PXK: variants seen among roughly 807,000 people sequenced by gnomAD.
PXK encodes the protein PX domain containing serine/threonine kinase like.
A neutral mutation model predicts 84.7 loss-of-function variants in PXK; 35 were observed. That is an observed-to-expected ratio of 0.41 (90% CI 0.32 to 0.55). The LOEUF (loss-of-function observed/expected upper bound fraction) is 0.55. Among genes scored for constraint, PXK ranks in the 20% least tolerant of loss-of-function variants. PXK has a pLI of 0.21. For missense variants in PXK, 634 were observed against 699.7 expected (o/e 0.91, Z 1.06); for synonymous variants, 253 against 260.8 (o/e 0.97, Z 0.29).
intron 15 of PXK, 28 bp from the exon 16 acceptor site, chr3:58,410,061 TC>T (rs2059970168): frequency 1.4e-6 from 2 of 1,434,334 alleles, no homozygotes; most frequent in Non-Finnish European, 2.0e-6. Flanking sequence ...TTCCTCTCCC[TC>T]CCTCCCCCTT....
chr3:58,369,373 A>G, intron 2 of PXK, 58 bp from the exon 3 acceptor site: 1 of 1,353,954 alleles, frequency 7.4e-7, no homozygotes, highest in South Asian at 1.2e-5. Flanking sequence ...ATATTAAATA[A>G]AGAAATGAAA....
intron 13 of PXK, among the ~76,000 whole-genome samples, chr3:58,406,898 A>G (rs188297055): frequency 1.3e-5 from 2 of 152,230 alleles, no homozygotes; most frequent in Non-Finnish European, 2.9e-5. Context: ...ATTTCCTTCT[A>G]TTTTTAAGGT....
chr3:58,338,042 A>G (rs964808152), intron 1 of PXK, among the ~76,000 whole-genome samples: 1 of 152,170 alleles, frequency 6.6e-6, no homozygotes, highest in Non-Finnish European at 1.5e-5. Context: ...GTTATACTGA[A>G]TACTTTAAAA....
chr3:58,389,477 T>C (rs1259405430), intron 4 of PXK, among the ~76,000 whole-genome samples: 1 of 152,168 alleles, frequency 6.6e-6, no homozygotes, highest in African/African-American at 2.4e-5. Flanking sequence ...TTTCACATTA[T>C]TAATAATTTT....
At chr3:58,391,983 G>T in intron 7 of PXK, 136 bp downstream of exon 7, 1 of 735,930 alleles carries the variant, frequency 1.4e-6, no homozygotes, top group Non-Finnish European at 2.3e-6. Context: ...AAATTGTGTA[G>T]GGCTAATCTC....
chr3:58,344,084 C>T (rs752200434), intron 1 of PXK, among the ~76,000 whole-genome samples: 5 of 152,038 alleles, frequency 3.3e-5, no homozygotes, highest in Admixed American at 6.6e-5. Context: ...GACAAATTGC[C>T]GCTTGATTTC....
intron 13 of PXK, 63 bp from the exon 14 acceptor site, chr3:58,408,861 C>G: frequency 7.9e-7 from 1 of 1,271,626 alleles, no homozygotes; most frequent in East Asian, 2.3e-5. Context: ...TCATTTACTC[C>G]AGGACTTGGA....
chr3:58,333,700 G>T lies in PXK; in HGVS notation c.102+610G>T, dbSNP rs2097538468. 1 of 453,960 alleles carries T rather than the reference G, an allele frequency of 2.2e-6. No individual in the cohort carries two copies. Among genetic ancestry groups the T allele is most frequent in the African/African-American group, 2.0e-5 (1 of 49,998 alleles). The allele number at this position is 453,960 out of a possible 1,614,324, so 28.1% of individuals were successfully genotyped here. On this transcript the variant is annotated intron_variant, in intron 1 of 17. Coordinates refer to ENST00000356151, the MANE Select transcript of PXK (RefSeq NM_017771.5). This position sits in a 1 kb window ranked among gnomAD's most constrained non-coding sequence, Gnocchi z 5.4. The stretch of plus-strand genomic sequence containing the variant: ...CGCTGTTAAGCAGGTGTATGAATGT[G>T]CTTCTCTAACTTGCTCTTTAGTGGG...
chr3:58,342,150 T>A (rs2097746076), intron 1 of PXK, among the ~76,000 whole-genome samples: 1 of 152,270 alleles, frequency 6.6e-6, no homozygotes, highest in Admixed American at 6.5e-5. Context: ...TAAGTTCTAT[T>A]GTTATCGGAA....
intron 13 of PXK, among the ~76,000 whole-genome samples, chr3:58,408,683 C>T (rs1226478984): frequency 2.6e-5 from 4 of 152,028 alleles, no homozygotes; most frequent in Admixed American, 6.6e-5. Context: ...CCACCACGCC[C>T]GGCTAATTTT....
rs1019166263 is a variant in PXK at position 58,401,051 on chromosome 3, T to G, written c.1181+1674T>G. ...AGGTTGATTTACTTGAGTTTGCATT[T>G]ACACTCCCCATTCCAAAGCTCTTAC... On this transcript the variant is annotated intron_variant, in intron 12 of 17. Coordinates refer to ENST00000356151, the MANE Select transcript of PXK (RefSeq NM_017771.5). This position sits in a 1 kb window ranked among gnomAD's most constrained non-coding sequence, Gnocchi z 4.4. Among the ~76,000 whole-genome samples, 5 of 152,278 alleles carry G rather than the reference T, an allele frequency of 3.3e-5. No individual in the cohort carries two copies. The highest frequency in any genetic ancestry group is 9.6e-5 in the African/African-American group (4 of 41,476).
At chr3:58,367,337 T>G (rs1210097336) in intron 2 of PXK, among the ~76,000 whole-genome samples, 1 of 151,980 alleles carries the variant, frequency 6.6e-6, no homozygotes, top group South Asian at 2.1e-4. Context: ...CTCCGCCTCC[T>G]GGGTTCACGC....
chr3:58,334,692 C>T (rs977088233), intron 1 of PXK, among the ~76,000 whole-genome samples: 2 of 152,156 alleles, frequency 1.3e-5, no homozygotes, highest in Non-Finnish European at 2.9e-5. Flanking sequence ...TACTTTTTGT[C>T]TCCACCAGGC....
At position 58,390,462 on chromosome 3, in the gene PXK, G is replaced by C. The variant is rs189931050; in HGVS notation, c.389-120G>C. The C allele has an allele frequency of 3.6e-4, 188 of 515,786 alleles. 1 individual carries two copies. The highest frequency in any genetic ancestry group is 3.4e-3 in the African/African-American group (173 of 50,638). 32.0% of individuals were successfully genotyped at this position (515,786 alleles called of 1,614,324 possible). On this transcript the variant is annotated intron_variant, in intron 4 of 17. Transcript: ENST00000356151. This position sits in a 1 kb window ranked among gnomAD's most constrained non-coding sequence, Gnocchi z 4.2. ...TTTCTTTATTATTATTTTTTTTTTG[G>C]TAATTAAGTTTTTTAAAAAGGTCAT...
intron 3 of PXK, among the ~76,000 whole-genome samples, chr3:58,374,692 A>G (rs939050668): frequency 2.6e-5 from 4 of 152,188 alleles, no homozygotes; most frequent in Non-Finnish European, 5.9e-5. Flanking sequence ...TTATTATTCC[A>G]TGTGTAGTAT....
intron 3 of PXK, among the ~76,000 whole-genome samples, chr3:58,372,945 A>G (rs1576200233): frequency 1.3e-5 from 2 of 152,312 alleles, no homozygotes; most frequent in East Asian, 3.9e-4. Flanking sequence ...GAGACAGCAT[A>G]CAACGAAGGG....
intron 1 of PXK, among the ~76,000 whole-genome samples, chr3:58,363,713 C>A (rs547083118): frequency 3.9e-5 from 6 of 152,270 alleles, no homozygotes; most frequent in African/African-American, 1.2e-4. Flanking sequence ...AGTTTTATTT[C>A]TTCCTTTTGA....
chr3:58,372,631 AG>A (rs777166760), intron 3 of PXK, among the ~76,000 whole-genome samples: 152 of 126,826 alleles, frequency 1.2e-3, no homozygotes, highest in Non-Finnish European at 1.6e-3. Flanking sequence ...CATTTTCTAA[AG>A]TTTTTTTTTT....
rs1239287698 is a variant in PXK, at chr3:58,412,533, C to CT, written c.1466-367dup. On this transcript the variant is annotated intron_variant, in intron 16 of 17. Transcript: ENST00000356151. The surrounding 1 kb of genome is among the most constrained non-coding windows in gnomAD (Gnocchi z 6.2). Reference sequence around the variant, plus strand: ...CCCCAGCAGGCTGCTCTGCACCTCTCTGTCTGCTGTACCACTTGTGGCTTC... The same window carrying CT: ...CCCCAGCAGGCTGCTCTGCACCTCTCTTGTCTGCTGTACCACTTGTGGCTTC... Among the ~76,000 whole-genome samples the CT allele has an allele frequency of 1.3e-5, 2 of 152,196 alleles. No individual in the cohort carries two copies. The highest frequency in any genetic ancestry group is 2.9e-5 in the Non-Finnish European group (2 of 68,040).
Sources: gnomAD v4.1 joint callset for allele counts (sites outside exome capture counted in the v4.1 genomes callset) on GRCh38, gnomAD v4.1.1 for gene constraint, Gnocchi (gnomAD v3.1) non-coding constraint, MANE v1.5 for transcripts, NCBI Gene and HGNC (gene_info 2026-07-23, HGNC 2026-07-21) for gene names.